The following RYK variants were observed in gnomAD, a reference collection of about 807,000 sequenced individuals.
The protein encoded by RYK is inactive tyrosine-protein kinase RYK.
A neutral mutation model predicts 70.2 loss-of-function variants in RYK; 21 were observed. That is an observed-to-expected ratio of 0.30 (90% CI 0.21 to 0.43). The LOEUF is 0.43. RYK is among the 20% of genes least tolerant of loss of function. The pLI is 1.00. For missense variants in RYK, 604 were observed against 753.3 expected, an observed-to-expected ratio of 0.80 and a Z score of 2.32; for synonymous variants, 267 against 278.0, an observed-to-expected ratio of 0.96 and a Z score of 0.39.
intron 2 of RYK, among the ~76,000 whole-genome samples, chr3:134,216,758 A>G (rs954329123): frequency 3.2e-5 from 4 of 125,856 alleles, no homozygotes; most frequent in African/African-American, 1.2e-4. Context: ...GCGCCACTGC[A>G]CTCCAGCCTG....
chr3:134,250,239 C>T (rs914926084), intron 1 of RYK, among the ~76,000 whole-genome samples, 184 bp downstream of exon 1: 11 of 151,980 alleles, frequency 7.2e-5, no homozygotes, highest in Admixed American at 2.6e-4. Flanking sequence ...AGCTGGGGAC[C>T]GGGCAGGGAC....
At chr3:134,176,755 C>CA (rs1215257335) in intron 11 of RYK, among the ~76,000 whole-genome samples, 3 of 151,748 alleles carry the variant, frequency 2.0e-5, no homozygotes, top group African/African-American at 2.4e-5. Context: ...AAACAAAAAA[C>CA]AAAAAAACCC....
At chr3:134,241,586 A>G (rs1167692084) in intron 1 of RYK, among the ~76,000 whole-genome samples, 1 of 152,310 alleles carries the variant, frequency 6.6e-6, no homozygotes, top group Middle Eastern at 3.4e-3. Context: ...TGGCATTCAA[A>G]ACGTTAATTT....
At chr3:134,202,464 A>AT (rs2014056094) in intron 6 of RYK, 1 of 369,180 alleles carries the variant, frequency 2.7e-6, no homozygotes, top group African/African-American at 2.2e-5. Context: ...AGGTAGAGTC[A>AT]TGTCAAAGGG....
chr3:134,209,100 T>G (rs2014312297), intron 4 of RYK, among the ~76,000 whole-genome samples: 2 of 152,200 alleles, frequency 1.3e-5, no homozygotes, highest in African/African-American at 4.8e-5. Flanking sequence ...ACTCGATTTC[T>G]TCAGTAACAG....
intron 2 of RYK, among the ~76,000 whole-genome samples, chr3:134,219,873 C>T (rs1320549404): frequency 6.6e-6 from 1 of 152,070 alleles, no homozygotes; most frequent in East Asian, 1.9e-4. Context: ...AAAACAGATG[C>T]AAAAAGTAGT....
At chr3:134,216,799 A>C (rs2014567688) in intron 2 of RYK, among the ~76,000 whole-genome samples, 1 of 112,496 alleles carries the variant, frequency 8.9e-6, no homozygotes, top group Non-Finnish European at 2.0e-5. Flanking sequence ...TCTCAAAAAA[A>C]AAAAAAAAAA....
intron 13 of RYK, among the ~76,000 whole-genome samples, chr3:134,174,747 G>A (rs572236351): frequency 2.0e-5 from 3 of 152,142 alleles, no homozygotes; most frequent in Non-Finnish European, 4.4e-5. Flanking sequence ...ATGAACAAGT[G>A]AACGTGGCTT....
At chr3:134,163,275 C>A (rs552848106) in intron 13 of RYK, among the ~76,000 whole-genome samples, 51 of 152,172 alleles carry the variant, frequency 3.4e-4, no homozygotes, top group Non-Finnish European at 6.2e-4. Flanking sequence ...CAAAATGGCG[C>A]AGAGATGATT....
At chr3:134,181,162 A>AT (rs1296239520) in intron 10 of RYK, 5 of 152,220 alleles carry the variant, frequency 3.3e-5, no homozygotes, top group Non-Finnish European at 5.9e-5. Flanking sequence ...GGGTAAGAAC[A>AT]TTGGCTAGGT....
chr3:134,195,023 A>T (rs1284119745), intron 7 of RYK, 59 bp downstream of exon 7: 1 of 1,174,572 alleles, frequency 8.5e-7, no homozygotes, highest in Non-Finnish European at 1.3e-6. Context: ...ATGCAAGACC[A>T]CTGGGAAGCA....
At chr3:134,201,800 C>A (rs980859014) in intron 6 of RYK, among the ~76,000 whole-genome samples, 11 of 152,292 alleles carry the variant, frequency 7.2e-5, no homozygotes, top group African/African-American at 2.6e-4. Context: ...ATGGATGATA[C>A]GTCTCCACAT....
At chr3:134,203,871 T>C (rs1383522297) in intron 5 of RYK, among the ~76,000 whole-genome samples, 2 of 152,188 alleles carry the variant, frequency 1.3e-5, no homozygotes, top group East Asian at 1.9e-4. Flanking sequence ...GCTACTGAAA[T>C]GTAGTTAGTA....
rs79640425 is a variant in RYK at position 134,188,106 on chromosome 3, C to T, written c.1102+731G>A. On this transcript the variant is annotated intron_variant, in intron 9 of 14. Transcript: ENST00000623711. ...AATATGTGAAAACAGTTATTCTGTT[C>T]ATGACAATATAAACCAGTGCTATCT... is the stretch of plus-strand genomic sequence containing the variant. Among the ~76,000 whole-genome samples, 18 of 150,816 alleles carry T rather than the reference C, an allele frequency of 1.2e-4. 2 individuals are homozygous for T. The East Asian group carries it at 3.3e-3, about 28-fold the overall frequency.
rs1343491328 is a variant in RYK, at chr3:134,178,055, A to C, written c.1191T>G (p.Thr397=). 7.0e-6 allele frequency: 11 copies of C among 1,573,150 alleles called. No homozygotes were observed. The highest frequency in any genetic ancestry group is 8.6e-6 in the Non-Finnish European group (10 of 1,160,512). ...GLHHRNLLPI[T]HVCIEEGEKP... ...TTTCTCCTTCTTCTATACACACATG[A>C]GTAATAGGAAGAAGATTTCTATAAA... The change falls in exon 11 of 15, where the codon ACT becomes ACG. Residue 397 remains threonine, a synonymous_variant. Transcript: ENST00000623711.
chr3:134,204,727 T>G (rs1467224598), intron 5 of RYK, among the ~76,000 whole-genome samples: 1 of 151,838 alleles, frequency 6.6e-6, no homozygotes, highest in African/African-American at 2.4e-5. Flanking sequence ...TGACTGGAGA[T>G]TCATGAAAGA....
At chr3:134,245,502 C>T (rs1432956459) in intron 1 of RYK, among the ~76,000 whole-genome samples, 1 of 152,110 alleles carries the variant, frequency 6.6e-6, no homozygotes, top group East Asian at 1.9e-4. Flanking sequence ...CCCTCAGGAC[C>T]TCCAAGAGGC....
At chr3:134,160,527 C>A (rs994513944) in intron 13 of RYK, among the ~76,000 whole-genome samples, 3 of 152,094 alleles carry the variant, frequency 2.0e-5, no homozygotes, top group African/African-American at 7.2e-5. Flanking sequence ...AGCTACATTT[C>A]CCCCCAGAAT....
At chr3:134,175,333 A>G (rs1401626061) in intron 13 of RYK, among the ~76,000 whole-genome samples, 4 of 149,022 alleles carry the variant, frequency 2.7e-5, no homozygotes, top group African/African-American at 1.0e-4. Flanking sequence ...ACAAGAGTGG[A>G]ACTCTGTCTT....
Sources: allele counts gnomAD v4.1 joint callset (sites outside exome capture counted in the v4.1 genomes callset), GRCh38; gene constraint gnomAD v4.1.1; transcripts MANE v1.5; gene names NCBI Gene and HGNC (gene_info 2026-07-23, HGNC 2026-07-21).